Variants in UNC5D observed in about 807,000 individuals in gnomAD.
The protein encoded by UNC5D is netrin receptor UNC5D.
In UNC5D, 39 loss-of-function variants were observed where a neutral mutation model predicts 105.4. That is an observed-to-expected ratio of 0.37 (90% CI 0.29 to 0.48). UNC5D has a LOEUF of 0.48. Ranked by LOEUF, UNC5D falls within the 20% of genes least tolerant of loss-of-function variation. The pLI, the probability that UNC5D is intolerant of heterozygous loss-of-function variation, is 0.98. For synonymous variants in UNC5D, 452 were observed against 450.4 expected (o/e 1.00, Z -0.04); for missense variants, 991 against 1,202.4 (o/e 0.82, Z 2.60).
intron 1 of UNC5D, among the ~76,000 whole-genome samples, chr8:35,301,025 A>G (rs1364783099): frequency 6.6e-6 from 1 of 152,190 alleles, no homozygotes; most frequent in East Asian, 1.9e-4. Flanking sequence ...GAGAGGGACT[A>G]GAAGCACTGA....
At chr8:35,568,306 G>A in intron 3 of UNC5D, 65 bp downstream of exon 3, 2 of 1,567,840 alleles carry the variant, frequency 1.3e-6, no homozygotes, top group Non-Finnish European at 1.7e-6. Flanking sequence ...GAGCTGAAGA[G>A]AGGTTTTACA....
At chr8:35,402,794 G>T (rs1182101796) in intron 1 of UNC5D, among the ~76,000 whole-genome samples, 1 of 152,136 alleles carries the variant, frequency 6.6e-6, no homozygotes, top group African/African-American at 2.4e-5. Flanking sequence ...AGCCCCAAAA[G>T]AATAGTGAGA....
At chr8:35,655,051 G>C (rs1460227383) in intron 4 of UNC5D, among the ~76,000 whole-genome samples, 3 of 152,182 alleles carry the variant, frequency 2.0e-5, no homozygotes, top group Non-Finnish European at 4.4e-5. Context: ...ACACTTGCTT[G>C]TGAAATTCAG....
At chr8:35,518,209 CAA>C (rs140635202) in intron 1 of UNC5D, among the ~76,000 whole-genome samples, 4 of 152,222 alleles carry the variant, frequency 2.6e-5, no homozygotes, top group East Asian at 3.9e-4. Context: ...GTATTTTTAA[CAA>C]GAGAAATAAG....
At chr8:35,571,432 T>G (rs1042136326) in intron 3 of UNC5D, among the ~76,000 whole-genome samples, 1 of 152,232 alleles carries the variant, frequency 6.6e-6, no homozygotes, top group African/African-American at 2.4e-5. Flanking sequence ...TTTAAAATTA[T>G]TTATGCAAGT....
chr8:35,591,967 A>G (rs1423383615), intron 3 of UNC5D, among the ~76,000 whole-genome samples: 2 of 152,302 alleles, frequency 1.3e-5, no homozygotes, highest in East Asian at 1.9e-4. Flanking sequence ...GCTCCCTGCA[A>G]TGTTCCTGCG....
chr8:35,288,994 G>T (rs1208935983), intron 1 of UNC5D, among the ~76,000 whole-genome samples: 1 of 152,084 alleles, frequency 6.6e-6, no homozygotes, highest in African/African-American at 2.4e-5. Flanking sequence ...ACAGTAGCAG[G>T]TTCTTACCTA....
rs534475032 is a variant in UNC5D at position 35,342,046 on chromosome 8, A to G, written c.103+106159A>G. 2.0e-3 allele frequency among the ~76,000 whole-genome samples: 303 copies of G among 152,238 alleles called. 1 individual carries two copies. The highest frequency in any genetic ancestry group is 3.2e-3 in the Non-Finnish European group (217 of 68,002). On this transcript the variant is annotated intron_variant, in intron 1 of 16. Transcript: ENST00000404895. ...GTTTCCTTGGTAACAATCTTATAACATCTGAAAAATATTTACCGTGGATGC... is the reference window on the plus strand; with the variant it reads ...GTTTCCTTGGTAACAATCTTATAACGTCTGAAAAATATTTACCGTGGATGC...
intron 1 of UNC5D, among the ~76,000 whole-genome samples, chr8:35,491,986 G>A (rs770064740): frequency 2.0e-4 from 30 of 152,096 alleles, no homozygotes; most frequent in East Asian, 7.7e-4. Flanking sequence ...GATTTGACTC[G>A]CTTTTGAAAG....
At chr8:35,302,025 G>C (rs1807997847) in intron 1 of UNC5D, among the ~76,000 whole-genome samples, 1 of 152,128 alleles carries the variant, frequency 6.6e-6, no homozygotes, top group Non-Finnish European at 1.5e-5. Context: ...GCAATGGCGA[G>C]GCCATGAGTT....
intron 1 of UNC5D, among the ~76,000 whole-genome samples, chr8:35,436,879 A>G (rs919242382): frequency 6.6e-6 from 1 of 152,124 alleles, no homozygotes; most frequent in Non-Finnish European, 1.5e-5. Flanking sequence ...TTTAGTACCA[A>G]TTGCTATATG....
chr8:35,389,229 G>T (rs894060945), intron 1 of UNC5D, among the ~76,000 whole-genome samples: 1 of 152,172 alleles, frequency 6.6e-6, no homozygotes, highest in Non-Finnish European at 1.5e-5. Flanking sequence ...TGGACATCTA[G>T]GATTGAGAAA....
At chr8:35,372,150 G>T (rs1802460243) in intron 1 of UNC5D, among the ~76,000 whole-genome samples, 1 of 152,122 alleles carries the variant, frequency 6.6e-6, no homozygotes, top group African/African-American at 2.4e-5. Flanking sequence ...TTGAGACGGA[G>T]TCTTACTCGG....
At chr8:35,641,538 C>T (rs1264467463) in intron 4 of UNC5D, among the ~76,000 whole-genome samples, 1 of 151,988 alleles carries the variant, frequency 6.6e-6, no homozygotes, top group African/African-American at 2.4e-5. Flanking sequence ...TTCATTTAGC[C>T]TTCATTAGAC....
chr8:35,511,669 A>G (rs1192957098), intron 1 of UNC5D, among the ~76,000 whole-genome samples: 1 of 151,964 alleles, frequency 6.6e-6, no homozygotes, highest in Non-Finnish European at 1.5e-5. Flanking sequence ...TCTGGGCCAC[A>G]TTGAAAGAAG....
intron 1 of UNC5D, among the ~76,000 whole-genome samples, chr8:35,358,537 G>T (rs1801684450): frequency 2.0e-5 from 3 of 152,164 alleles, no homozygotes. Context: ...TCTAATGTGT[G>T]CTGGGCTTCA....
intron 4 of UNC5D, among the ~76,000 whole-genome samples, chr8:35,636,558 T>G (rs1281551304): frequency 6.6e-6 from 1 of 152,126 alleles, no homozygotes; most frequent in Non-Finnish European, 1.5e-5. Context: ...AGTTACTGAT[T>G]TAGGTAAAGA....
intron 1 of UNC5D, among the ~76,000 whole-genome samples, chr8:35,252,019 C>CTTTTTTTTT (rs1177014089): frequency 8.5e-6 from 1 of 117,284 alleles, no homozygotes; most frequent in East Asian, 2.5e-4. Context: ...ACCAATGGTT[C>CTTTTTTTTT]TTTTTTTTTT....
intron 1 of UNC5D, among the ~76,000 whole-genome samples, chr8:35,376,460 G>C (rs1043804141): frequency 6.6e-6 from 1 of 152,114 alleles, no homozygotes; most frequent in South Asian, 2.1e-4. Flanking sequence ...GTGTAAATTG[G>C]GGGTGCCTAG....
Sources: allele counts gnomAD v4.1 joint callset (sites outside exome capture counted in the v4.1 genomes callset), GRCh38; gene constraint gnomAD v4.1.1; transcripts MANE v1.5; gene names NCBI Gene and HGNC (gene_info 2026-07-23, HGNC 2026-07-21).